PPFIBP2: variants seen among roughly 807,000 people sequenced by gnomAD.
PPFIBP2 encodes PPFIB scaffold protein 2, also known as liprin-beta-2.
Under a neutral mutation model 118.3 loss-of-function variants are expected in PPFIBP2, and 118 were observed. That is an observed-to-expected ratio of 1.00 (90% confidence interval 0.86 to 1.16). The LOEUF is 1.16. PPFIBP2 is among the 50% of genes most tolerant of loss of function. The pLI, the probability that PPFIBP2 is intolerant of heterozygous loss-of-function variation, is 0.00. For missense variants in PPFIBP2, 1,195 were observed against 1,073.1 expected (o/e 1.11, Z -1.59); for synonymous variants, 414 against 397.4 (o/e 1.04, Z -0.50).
intron 3 of PPFIBP2, among the ~76,000 whole-genome samples, chr11:7,570,698 G>T (rs1054627280): frequency 2.6e-5 from 4 of 152,166 alleles, no homozygotes; most frequent in African/African-American, 7.2e-5. Context: ...AAGAGTCCTG[G>T]TCAGTGTGCT....
chr11:7,551,029 ATATC>A (rs554064637), intron 2 of PPFIBP2, among the ~76,000 whole-genome samples: 1 of 151,892 alleles, frequency 6.6e-6, no homozygotes, highest in Admixed American at 6.5e-5. Flanking sequence ...ACTCCCCTTT[ATATC>A]TATATCTATA....
At chr11:7,533,247 A>G (rs1006256004) in intron 1 of PPFIBP2, among the ~76,000 whole-genome samples, 2 of 152,158 alleles carry the variant, frequency 1.3e-5, no homozygotes, top group Admixed American at 1.3e-4. Flanking sequence ...TCTGGCTGTA[A>G]GAGAGAAGGG....
At chr11:7,581,394 CT>C (rs1857237698) in intron 3 of PPFIBP2, among the ~76,000 whole-genome samples, 1 of 152,238 alleles carries the variant, frequency 6.6e-6, no homozygotes, top group Non-Finnish European at 1.5e-5. Flanking sequence ...ACTCTCAGTG[CT>C]TAAGCAAATT....
At chr11:7,665,621 C>T in the PPFIBP2 span, 1 of 1,450,476 alleles carries the variant, frequency 6.9e-7, no homozygotes, top group Non-Finnish European at 9.3e-7. Flanking sequence ...CCTGCACACC[C>T]ACCCTCAGCC....
At chr11:7,519,301 C>T (rs1015111995) in intron 1 of PPFIBP2, among the ~76,000 whole-genome samples, 1 of 151,994 alleles carries the variant, frequency 6.6e-6, no homozygotes, top group Non-Finnish European at 1.5e-5. Flanking sequence ...AGGAGAAAGG[C>T]GATCAGGGCT....
At chr11:7,585,595 A>G (rs1166751377) in intron 3 of PPFIBP2, among the ~76,000 whole-genome samples, 1 of 152,234 alleles carries the variant, frequency 6.6e-6, no homozygotes, top group Non-Finnish European at 1.5e-5. Context: ...ATGGCCAGCC[A>G]GGCCATAAAG....
intron 5 of PPFIBP2, among the ~76,000 whole-genome samples, chr11:7,603,501 A>G (rs1846936403): frequency 6.6e-6 from 1 of 152,036 alleles, no homozygotes; most frequent in Non-Finnish European, 1.5e-5. Flanking sequence ...ATGCCTTTCC[A>G]TGGCCCACTC....
At position 7,597,230 on chromosome 11, in the gene PPFIBP2, G is replaced by C. The variant is rs947105744; in HGVS notation, c.373-330G>C. 2.6e-6 allele frequency: 4 copies of C among 1,522,418 alleles called. No individual in the cohort carries two copies. In the African/African-American group the frequency reaches 5.5e-5, roughly 21 times the overall value. 94.3% of individuals were successfully genotyped at this position (1,522,418 alleles called of 1,614,324 possible). ...GCCAGCTGAGATGTGCCTTGAGGTC[G>C]GGGCTGTTCTGGAAGAGGAATAAGG... On this transcript the variant is annotated intron_variant, in intron 4 of 23. Coordinates refer to ENST00000299492, the MANE Select transcript of PPFIBP2 (RefSeq NM_003621.5).
intron 2 of PPFIBP2, among the ~76,000 whole-genome samples, chr11:7,552,891 A>G (rs976350375): frequency 1.3e-5 from 2 of 151,928 alleles, no homozygotes; most frequent in Admixed American, 6.6e-5. Context: ...ATACTTCTTT[A>G]TAGCACTTAT....
chr11:7,580,356 G>T (rs1029938610), intron 3 of PPFIBP2, among the ~76,000 whole-genome samples: 17 of 152,156 alleles, frequency 1.1e-4, no homozygotes, highest in African/African-American at 4.1e-4. Flanking sequence ...TGGAGAGCTG[G>T]TTTCTCTGAA....
chr11:7,612,999 C>T (rs929511353), intron 6 of PPFIBP2, among the ~76,000 whole-genome samples: 1 of 152,180 alleles, frequency 6.6e-6, no homozygotes, highest in African/African-American at 2.4e-5. Flanking sequence ...ATAAAGGGAA[C>T]GCTGCTTCCC....
chr11:7,545,738 A>G (rs994448581), intron 1 of PPFIBP2, among the ~76,000 whole-genome samples: 17 of 152,190 alleles, frequency 1.1e-4, no homozygotes, highest in Non-Finnish European at 2.4e-4. Context: ...AGCACAGAAA[A>G]GGGGCAACTT....
At chr11:7,653,900 G>C (rs149821667), downstream of PPFIBP2, 1,518 of 844,974 alleles carry the variant, frequency 1.8e-3, 17 homozygotes, top group African/African-American at 0.024. Context: ...ATTCACCAGG[G>C]GGGTAGAGCA....
the PPFIBP2 span, chr11:7,665,394 C>T: frequency 8.2e-6 from 13 of 1,587,858 alleles, no homozygotes; most frequent in Non-Finnish European, 1.0e-5. Context: ...AAAATCATGT[C>T]CTGGGTATAA....
At chr11:7,619,029 A>G (rs1220110255) in intron 6 of PPFIBP2, among the ~76,000 whole-genome samples, 7 of 152,018 alleles carry the variant, frequency 4.6e-5, no homozygotes, top group Non-Finnish European at 8.8e-5. Flanking sequence ...GAAGGCCAAG[A>G]CCTCCAGGCC....
At chr11:7,518,092 C>T (rs568965046) in intron 1 of PPFIBP2, among the ~76,000 whole-genome samples, 19 of 152,324 alleles carry the variant, frequency 1.2e-4, no homozygotes, top group African/African-American at 2.9e-4. Context: ...CCCCTGATGG[C>T]GGAGGCAGGC....
chr11:7,611,640 C>T (rs141663290), intron 6 of PPFIBP2, among the ~76,000 whole-genome samples: 27 of 152,292 alleles, frequency 1.8e-4, no homozygotes, highest in African/African-American at 5.3e-4. Context: ...ACCTTGGTCA[C>T]GTAATTTAAC....
In PPFIBP2 at chr11:7,653,694, G is replaced by A. The variant is rs900309084; in HGVS notation, c.*476G>A. On this transcript the variant is annotated 3_prime_UTR_variant, in exon 24 of 24. Transcript: ENST00000299492. ...TCTGCCACAGTGACAATGGAATTGT[G>A]TTGTGCCTTACTTCAGAGGTGGTCT... is the stretch of plus-strand genomic sequence containing the variant. 2 of 1,282,510 alleles carry A rather than the reference G, an allele frequency of 1.6e-6. No individual in the cohort carries two copies. Among genetic ancestry groups the A allele is most frequent in the Non-Finnish European group, 2.0e-6 (2 of 986,004 alleles). The allele number at this position is 1,282,510 out of a possible 1,614,324, so 79.4% of individuals were successfully genotyped here. A position where few individuals can be genotyped will look rare whatever the true frequency, so the allele number is the denominator to read the frequency against.
intron 2 of PPFIBP2, among the ~76,000 whole-genome samples, chr11:7,560,232 C>G (rs1854146837): frequency 6.6e-6 from 1 of 152,216 alleles, no homozygotes; most frequent in African/African-American, 2.4e-5. Flanking sequence ...CTGAATTCTT[C>G]CATATTGTCT....
Sources: allele counts gnomAD v4.1 joint callset (sites outside exome capture counted in the v4.1 genomes callset), GRCh38; gene constraint gnomAD v4.1.1; transcripts MANE v1.5; gene names NCBI Gene and HGNC (gene_info 2026-07-23, HGNC 2026-07-21).